The following SCFD2 variants were observed in gnomAD, a reference collection of about 807,000 sequenced individuals.
SCFD2 encodes the protein sec1 family domain containing 2.
Under a neutral mutation model 58.9 loss-of-function variants are expected in SCFD2, and 54 were observed. The ratio of observed to expected loss-of-function variants is 0.92; its 90% CI spans 0.74 to 1.15. The LOEUF is 1.15. Ranked by LOEUF, SCFD2 falls within the 50% of genes most tolerant of loss-of-function variation. The pLI is 0.00. For missense variants in SCFD2, 805 were observed against 836.6 expected (o/e 0.96, Z 0.47); for synonymous variants, 321 against 335.9 (o/e 0.96, Z 0.49).
chr4:53,206,569 T>C (rs1326574383), intron 4 of SCFD2, among the ~76,000 whole-genome samples: 1 of 152,126 alleles, frequency 6.6e-6, no homozygotes, highest in African/African-American at 2.4e-5. Context: ...GTTTTTTTAA[T>C]CGTAAAAACT....
intron 5 of SCFD2, among the ~76,000 whole-genome samples, chr4:52,969,200 G>T (rs1312197365): frequency 6.6e-6 from 1 of 152,156 alleles, no homozygotes; most frequent in Non-Finnish European, 1.5e-5. Flanking sequence ...ACTTGCTTAT[G>T]ATGTGTTTGG....
chr4:53,021,875 G>A (rs909015475), intron 5 of SCFD2, among the ~76,000 whole-genome samples: 3 of 152,142 alleles, frequency 2.0e-5, no homozygotes, highest in African/African-American at 7.2e-5. Flanking sequence ...CCTGGAAACT[G>A]TAAGACAGAA....
intron 7 of SCFD2, among the ~76,000 whole-genome samples, chr4:52,892,246 C>T (rs748960094): frequency 1.8e-4 from 28 of 152,174 alleles, no homozygotes; most frequent in African/African-American, 3.1e-4. Flanking sequence ...AATCCCCGTC[C>T]GGTGGAATCC....
At chr4:52,937,966 G>A (rs1720186559) in intron 5 of SCFD2, among the ~76,000 whole-genome samples, 1 of 152,146 alleles carries the variant, frequency 6.6e-6, no homozygotes, top group South Asian at 2.1e-4. Flanking sequence ...CAAAGGTAGT[G>A]CTCATACATT....
chr4:53,122,090 C>T (rs1161513174), intron 5 of SCFD2, among the ~76,000 whole-genome samples: 1 of 152,090 alleles, frequency 6.6e-6, no homozygotes, highest in East Asian at 1.9e-4. Context: ...ACATTCTGAA[C>T]CCTAGTCTGG....
At chr4:53,338,903 C>T (rs543756172) in intron 2 of SCFD2, among the ~76,000 whole-genome samples, 2 of 152,014 alleles carry the variant, frequency 1.3e-5, no homozygotes, top group African/African-American at 4.8e-5. Flanking sequence ...TTTTCAAGTG[C>T]TGAAAGAGAA....
chr4:53,056,121 C>T (rs1036654996), intron 5 of SCFD2, among the ~76,000 whole-genome samples: 20 of 145,550 alleles, frequency 1.4e-4, no homozygotes, highest in Non-Finnish European at 2.1e-4. Flanking sequence ...GACTTTGTAA[C>T]GTAGCTTTTT....
chr4:52,882,020 G>C (rs1022587353), intron 8 of SCFD2, among the ~76,000 whole-genome samples: 1 of 152,118 alleles, frequency 6.6e-6, no homozygotes, highest in African/African-American at 2.4e-5. Context: ...CCATGGTAGA[G>C]AGGAGGAGGA....
At chr4:53,334,467 T>C (rs1733609111) in intron 2 of SCFD2, among the ~76,000 whole-genome samples, 1 of 151,214 alleles carries the variant, frequency 6.6e-6, no homozygotes, top group African/African-American at 2.4e-5. Flanking sequence ...TGGATGAAAT[T>C]GGAAATCATC....
intron 4 of SCFD2, among the ~76,000 whole-genome samples, chr4:53,231,689 C>A (rs1342485823): frequency 1.3e-5 from 2 of 152,034 alleles, no homozygotes; most frequent in Non-Finnish European, 2.9e-5. Flanking sequence ...TTGATAAATT[C>A]ATCATATTTA....
intron 4 of SCFD2, among the ~76,000 whole-genome samples, chr4:53,187,242 A>C (rs1481948489): frequency 6.6e-6 from 1 of 152,070 alleles, no homozygotes; most frequent in Non-Finnish European, 1.5e-5. Context: ...TATTCATTAA[A>C]TTTTTCTTCT....
chr4:53,194,180 T>C (rs1341553724), intron 4 of SCFD2, among the ~76,000 whole-genome samples: 1 of 152,186 alleles, frequency 6.6e-6, no homozygotes, highest in South Asian at 2.1e-4. Context: ...TAAAATACTA[T>C]AGTTACACTT....
chr4:52,895,406 G>GT (rs1718981888), intron 7 of SCFD2, among the ~76,000 whole-genome samples: 1 of 152,188 alleles, frequency 6.6e-6, no homozygotes, highest in African/African-American at 2.4e-5. Flanking sequence ...CCACCTATGA[G>GT]TGAGAACATG....
At chr4:52,975,205 A>G (rs1199152226) in intron 5 of SCFD2, among the ~76,000 whole-genome samples, 22 of 152,246 alleles carry the variant, frequency 1.4e-4, no homozygotes, top group African/African-American at 5.3e-4. Flanking sequence ...CTGCACAGCA[A>G]AAGAAACTAC....
At position 52,888,466 on chromosome 4, in the gene SCFD2, A is replaced by G. The variant is rs73814897; in HGVS notation, c.1843-2600T>C. ...CCAATTTGTCAACTGCTTTCTTCCA[A>G]TCTGCATACCAGACACCATAGCAAT... On this transcript the variant is annotated intron_variant, in intron 7 of 8. Coordinates refer to ENST00000401642, the MANE Select transcript of SCFD2 (RefSeq NM_152540.4). Among the ~76,000 whole-genome samples, 1,099 of 152,242 alleles carry G rather than the reference A, an allele frequency of 7.2e-3. 17 individuals are homozygous for G. Among genetic ancestry groups the G allele is most frequent in the African/African-American group, 0.025 (1,043 of 41,532 alleles).
chr4:53,352,644 C>A lies in SCFD2; in HGVS notation c.961G>T (p.Glu321Ter). 6.8e-6 allele frequency: 11 copies of A among 1,613,982 alleles called. No homozygotes were observed. Among genetic ancestry groups the A allele is most frequent in the Non-Finnish European group, 9.3e-6 (11 of 1,179,912 alleles). ...GGTGCAACCACATTATAATTTTCCT[C>A]CTCAGTATGGAGTGCAGTGAGCGCT... ...MIALTALHTEEENYNVVAPGC... is the reference protein window; with the variant it reads ...MIALTALHTE The change falls in exon 2 of 9, where the codon GAG becomes TAG. Residue 321 changes from glutamate to a stop codon, truncating the protein, a stop_gained. Coordinates refer to ENST00000401642, the MANE Select transcript of SCFD2 (RefSeq NM_152540.4). LOFTEE classifies it high-confidence loss of function.
At chr4:53,157,751 C>A (rs1179642724) in intron 4 of SCFD2, among the ~76,000 whole-genome samples, 2 of 151,990 alleles carry the variant, frequency 1.3e-5, no homozygotes, top group Non-Finnish European at 2.9e-5. Flanking sequence ...TCAATAGTTA[C>A]CAATTTAAGG....
intron 5 of SCFD2, among the ~76,000 whole-genome samples, chr4:52,930,606 C>T (rs963796359): frequency 2.0e-5 from 3 of 152,084 alleles, no homozygotes; most frequent in African/African-American, 4.8e-5. Context: ...TCTAAGCTGC[C>T]TAAGCGAAAA....
Position 53,071,101 on chromosome 4 carries a change from G to A in SCFD2, c.1561+74232C>T, listed in dbSNP as rs1043579514. Reference sequence around the variant, plus strand: ...CTCCCTCCTCCACTTCATCTTTATTGTTGGCTCGAATGTAGATATGACAAG... The same window carrying A: ...CTCCCTCCTCCACTTCATCTTTATTATTGGCTCGAATGTAGATATGACAAG... On this transcript the variant is annotated intron_variant, in intron 5 of 8. Coordinates refer to ENST00000401642, the MANE Select transcript of SCFD2 (RefSeq NM_152540.4). Among the ~76,000 whole-genome samples the A allele has an allele frequency of 7.9e-5, 12 of 152,056 alleles. No homozygotes were observed. The East Asian group carries it at 1.5e-3, about 20-fold the overall frequency.
Sources: gnomAD v4.1 joint callset for allele counts (sites outside exome capture counted in the v4.1 genomes callset) on GRCh38, gnomAD v4.1.1 for gene constraint, MANE v1.5 for transcripts, NCBI Gene and HGNC (gene_info 2026-07-23, HGNC 2026-07-21) for gene names.